Variants in EYS observed in about 807,000 individuals in gnomAD.
EYS encodes the protein EGF-like photoreceptor maintenance factor.
A neutral mutation model predicts 282.1 loss-of-function variants in EYS; 250 were observed. The ratio of observed to expected loss-of-function variants is 0.89; its 90% CI spans 0.80 to 0.98. The LOEUF is 0.98. Among genes scored for constraint, EYS ranks in the 50% least tolerant of loss-of-function variants. The probability of loss-of-function intolerance (pLI) is 0.00; values close to 1 mark genes in which losing one functional copy is unlikely to be tolerated. For synonymous variants in EYS, 1,355 were observed against 1,282.9 expected, an observed-to-expected ratio of 1.06 and a Z score of -1.20; for missense variants, 4,016 against 3,709.0, an observed-to-expected ratio of 1.08 and a Z score of -2.15.
chr6:64,152,617 G>C, intron 31 of EYS, among the ~76,000 whole-genome samples: 1 of 152,072 alleles, frequency 6.6e-6, no homozygotes, highest in Admixed American at 6.6e-5. Flanking sequence ...ATATTATTTT[G>C]TTCCATTGCA....
intron 15 of EYS, among the ~76,000 whole-genome samples, chr6:64,921,496 C>T (rs2150081885): frequency 6.6e-6 from 1 of 152,188 alleles, no homozygotes; most frequent in East Asian, 1.9e-4. Flanking sequence ...ACTAAAGGGT[C>T]ACCTGTCTCA....
At chr6:64,029,296 T>C (rs915817872) in intron 33 of EYS, among the ~76,000 whole-genome samples, 23 of 152,098 alleles carry the variant, frequency 1.5e-4, no homozygotes, top group African/African-American at 3.4e-4. Context: ...AGTAAGGAAA[T>C]TGATGTAGTA....
chr6:65,525,218 C>T (rs1406164381), intron 2 of EYS, among the ~76,000 whole-genome samples: 2 of 152,112 alleles, frequency 1.3e-5, no homozygotes, highest in Non-Finnish European at 2.9e-5. Flanking sequence ...TGAGAAGTCA[C>T]TGAAAAAACT....
chr6:65,279,695 C>G (rs1353577212), intron 12 of EYS, among the ~76,000 whole-genome samples: 1 of 152,160 alleles, frequency 6.6e-6, no homozygotes, highest in Non-Finnish European at 1.5e-5. Flanking sequence ...AAGTACTCAT[C>G]AAGCATCCTT....
At chr6:64,826,727 A>G (rs1302200651) in intron 19 of EYS, among the ~76,000 whole-genome samples, 2 of 148,736 alleles carry the variant, frequency 1.3e-5, no homozygotes, top group South Asian at 2.1e-4. Flanking sequence ...GTCTTTTTTC[A>G]GACTGTGTTT....
chr6:64,833,189 G>T (rs996665592), intron 19 of EYS, among the ~76,000 whole-genome samples: 1 of 151,814 alleles, frequency 6.6e-6, no homozygotes, highest in Non-Finnish European at 1.5e-5. Context: ...TCTTTACATG[G>T]TAAAGTATTT....
intron 2 of EYS, among the ~76,000 whole-genome samples, chr6:65,609,535 T>C (rs768716646): frequency 6.6e-6 from 1 of 152,108 alleles, no homozygotes; most frequent in African/African-American, 2.4e-5. Flanking sequence ...TAATATAATT[T>C]CACTTACACT....
intron 30 of EYS, among the ~76,000 whole-genome samples, chr6:64,294,436 T>C (rs1768829760): frequency 6.6e-6 from 1 of 152,200 alleles, no homozygotes; most frequent in African/African-American, 2.4e-5. Flanking sequence ...TTCATGTGAG[T>C]AGGACTTTTA....
chr6:64,311,711 C>G (rs1198617620), intron 29 of EYS, among the ~76,000 whole-genome samples: 2 of 152,172 alleles, frequency 1.3e-5, no homozygotes, highest in Admixed American at 6.5e-5. Flanking sequence ...ACAGTGGGTA[C>G]AGCCCACAGC....
At chr6:63,835,277 A>G (rs1771773429) in intron 36 of EYS, among the ~76,000 whole-genome samples, 1 of 149,924 alleles carries the variant, frequency 6.7e-6, no homozygotes. Context: ...ATATACATAT[A>G]TACTCTCTAT....
intron 29 of EYS, among the ~76,000 whole-genome samples, chr6:64,373,315 C>T (rs571799159): frequency 2.0e-5 from 3 of 152,262 alleles, no homozygotes; most frequent in Admixed American, 1.3e-4. Flanking sequence ...TTCTAGTCCA[C>T]TCCTGGGTCT....
rs1020484981 is a variant in EYS at position 65,106,724 on chromosome 6, G to T, written c.2024-48997C>A. On this transcript the variant is annotated intron_variant, in intron 12 of 42. Coordinates refer to ENST00000503581, the MANE Select transcript of EYS (RefSeq NM_001142800.2). ...GACATTTTATGTTCACCGTTTTTAA[G>T]GTATATCTTTCTCCTTCTATTTACT... 5.3e-5 allele frequency among the ~76,000 whole-genome samples: 8 copies of T among 152,028 alleles called. No individual in the cohort carries two copies. In the East Asian group the frequency reaches 1.6e-3, roughly 29 times the overall value.
chr6:63,914,052 C>A (rs1249283662), intron 35 of EYS, among the ~76,000 whole-genome samples: 1 of 152,112 alleles, frequency 6.6e-6, no homozygotes, highest in Admixed American at 6.6e-5. Context: ...ACAAACCACT[C>A]CTATATAAGA....
At chr6:64,314,194 CAAAAA>C (rs138447983) in intron 29 of EYS, among the ~76,000 whole-genome samples, 1 of 27,670 alleles carries the variant, frequency 3.6e-5, no homozygotes, top group Non-Finnish European at 6.0e-5. Context: ...AAATGGAAAG[CAAAAA>C]AAAAAAAAAA....
chr6:64,817,790 A>G lies in EYS; in HGVS notation c.3243+3855T>C, dbSNP rs571523162. 2.0e-5 allele frequency among the ~76,000 whole-genome samples: 3 copies of G among 152,204 alleles called. No individual in the cohort carries two copies. The East Asian group carries it at 5.8e-4, about 29-fold the overall frequency. On this transcript the variant is annotated intron_variant, in intron 21 of 42. Transcript: ENST00000503581. The stretch of plus-strand genomic sequence containing the variant: ...GCTGTGAAGGACATGACTCATTTTT[A>G]TCACTCTGTAGTTTTCCATGGTGTA...
At chr6:64,667,068 G>A (rs1769257300) in intron 22 of EYS, among the ~76,000 whole-genome samples, 1 of 151,706 alleles carries the variant, frequency 6.6e-6, no homozygotes, top group Non-Finnish European at 1.5e-5. Context: ...AAATCAAGAG[G>A]AGTTTCATAG....
At chr6:65,103,594 A>G (rs1341558743) in intron 12 of EYS, among the ~76,000 whole-genome samples, 1 of 151,512 alleles carries the variant, frequency 6.6e-6, no homozygotes, top group African/African-American at 2.4e-5. Context: ...TAAATAAACT[A>G]CTATATCCAT....
chr6:64,516,345 G>A (rs553013715), intron 26 of EYS, among the ~76,000 whole-genome samples: 1 of 151,448 alleles, frequency 6.6e-6, no homozygotes, highest in African/African-American at 2.4e-5. Context: ...TAACTAATGG[G>A]TACCAGGCTT....
At chr6:64,234,881 T>C (rs533480406) in intron 30 of EYS, among the ~76,000 whole-genome samples, 21 of 69,552 alleles carry the variant, frequency 3.0e-4, no homozygotes, top group South Asian at 2.6e-3. Context: ...AACTTTATTC[T>C]TTTTTTTTTT....
Sources: allele counts gnomAD v4.1 joint callset (sites outside exome capture counted in the v4.1 genomes callset), GRCh38; gene constraint gnomAD v4.1.1; transcripts MANE v1.5; gene names NCBI Gene and HGNC (gene_info 2026-07-23, HGNC 2026-07-21).